SETBP1: variants seen among roughly 807,000 people sequenced by gnomAD.
The protein encoded by SETBP1 is SET-binding protein.
In SETBP1, 9 loss-of-function variants were observed where a neutral mutation model predicts 101.0. The observed-to-expected ratio is 0.09, with a 90% CI of 0.05 to 0.16. The LOEUF is 0.16. Among genes scored for constraint, SETBP1 ranks in the 10% least tolerant of loss-of-function variants. SETBP1 has a pLI of 1.00. For missense variants in SETBP1, 1,858 were observed against 2,033.8 expected, an observed-to-expected ratio of 0.91 and a Z score of 1.66; for synonymous variants, 818 against 788.5, an observed-to-expected ratio of 1.04 and a Z score of -0.63.
At chr18:44,772,056 T>C (rs2070885897) in intron 2 of SETBP1, among the ~76,000 whole-genome samples, 2 of 152,172 alleles carry the variant, frequency 1.3e-5, no homozygotes, top group South Asian at 4.1e-4. Flanking sequence ...TAGGTTGACA[T>C]TTGTTTTGAC....
At chr18:45,007,194 G>T (rs1285355050) in intron 4 of SETBP1, among the ~76,000 whole-genome samples, 6 of 152,052 alleles carry the variant, frequency 3.9e-5, no homozygotes, top group African/African-American at 1.4e-4. Context: ...ATCTCTTCCT[G>T]AATCAGTTTC....
At chr18:45,016,088 G>A (rs569695944) in intron 4 of SETBP1, among the ~76,000 whole-genome samples, 7 of 152,276 alleles carry the variant, frequency 4.6e-5, no homozygotes, top group East Asian at 1.9e-4. Context: ...AATACAGCCC[G>A]TACATGATAG....
chr18:44,863,998 C>A (rs1410692480), intron 2 of SETBP1, among the ~76,000 whole-genome samples: 1 of 152,084 alleles, frequency 6.6e-6, no homozygotes, highest in East Asian at 1.9e-4. Context: ...CTGGGTTCAG[C>A]CAGAGCAATT....
chr18:44,967,238 C>T (rs956878318), intron 4 of SETBP1, among the ~76,000 whole-genome samples: 4 of 152,178 alleles, frequency 2.6e-5, no homozygotes, highest in Admixed American at 2.0e-4. Context: ...CCAAAGATAA[C>T]GGAAAGCTCA....
chr18:44,950,377 C>T lies in SETBP1; in HGVS notation c.1037C>T (p.Thr346Ile), dbSNP rs557430935. The change falls in exon 4 of 6, where the codon ACC becomes ATC. Residue 346 changes from threonine to isoleucine, a missense_variant. This residue lies in a region of SETBP1 where 581 missense variants were observed against 535.1 expected (regional missense o/e 1.09). Coordinates refer to ENST00000649279, the MANE Select transcript of SETBP1 (RefSeq NM_015559.3). ...AGTAAAAAAGATGTGATAAGTCAGA[C>T]CATACCAAACCCAGACCTGGATTGG... Reference protein sequence around the residue: ...KSSKKDVISQTIPNPDLDWVK... With the variant: ...KSSKKDVISQIIPNPDLDWVK... The T allele has an allele frequency of 6.4e-4, 1,040 of 1,614,100 alleles. 13 individuals carry two copies. The South Asian group carries it at 0.01, about 16-fold the overall frequency.
intron 2 of SETBP1, among the ~76,000 whole-genome samples, chr18:44,747,525 G>A (rs1158184200): frequency 6.6e-6 from 1 of 152,364 alleles, no homozygotes; most frequent in South Asian, 2.1e-4. Flanking sequence ...AGACATCCTG[G>A]CCTCCCAATC....
intron 4 of SETBP1, among the ~76,000 whole-genome samples, chr18:44,953,619 T>C (rs1453150893): frequency 2.0e-5 from 3 of 152,242 alleles, no homozygotes; most frequent in Non-Finnish European, 2.9e-5. Context: ...ATGGTTATGC[T>C]TTTTATTAAA....
At chr18:44,823,083 A>G (rs781504877) in intron 2 of SETBP1, among the ~76,000 whole-genome samples, 1 of 152,200 alleles carries the variant, frequency 6.6e-6, no homozygotes, top group Non-Finnish European at 1.5e-5. Flanking sequence ...GTGAACCTAG[A>G]TCATGCTGCT....
chr18:44,734,344 G>A (rs1222686133), intron 2 of SETBP1, among the ~76,000 whole-genome samples: 1 of 152,164 alleles, frequency 6.6e-6, no homozygotes, highest in Admixed American at 6.5e-5. Context: ...CCTGAAGACT[G>A]CATGTGTGTC....
intron 2 of SETBP1, among the ~76,000 whole-genome samples, chr18:44,756,806 C>T (rs1229767619): frequency 6.6e-6 from 1 of 152,162 alleles, no homozygotes; most frequent in Non-Finnish European, 1.5e-5. Context: ...AGAGCTTGCT[C>T]TCCTGGGCTG....
At chr18:44,792,392 A>G (rs1599134819) in intron 2 of SETBP1, among the ~76,000 whole-genome samples, 1 of 152,182 alleles carries the variant, frequency 6.6e-6, no homozygotes, top group Admixed American at 6.5e-5. Context: ...CAGGAGCCAG[A>G]GCGTAAGGTA....
intron 4 of SETBP1, among the ~76,000 whole-genome samples, chr18:45,016,729 GCGCACA>G (rs1213159669): frequency 1.6e-5 from 2 of 121,296 alleles, no homozygotes; most frequent in Non-Finnish European, 3.4e-5. Context: ...ACATTGGTGC[GCGCACA>G]CACACACACA....
chr18:44,925,039 G>A lies in SETBP1; in HGVS notation c.541-24842G>A, dbSNP rs145648588. On this transcript the variant is annotated intron_variant, in intron 3 of 5. Transcript: ENST00000649279. ...TTTTTTTTTTTTTTTTTTTTTTCAC[G>A]AGAATGAGCTAAATTTTCCAGGGCT... Among the ~76,000 whole-genome samples, 75 of 104,950 alleles carry A rather than the reference G, an allele frequency of 7.1e-4. 1 individual carries two copies. The highest frequency in any genetic ancestry group is 6.2e-4 in the Non-Finnish European group (35 of 56,122). The allele number at this position is 104,950 out of a possible 152,430, so 68.9% of individuals were successfully genotyped here.
Position 45,062,948 on chromosome 18 carries a change from C to T in SETBP1, c.4172-131C>T, listed in dbSNP as rs192917546. The T allele has an allele frequency of 9.9e-4, 1,149 of 1,165,932 alleles. 4 individuals carry two copies. The highest frequency in any genetic ancestry group is 1.4e-3 in the South Asian group (100 of 72,306). 72.2% of individuals were successfully genotyped at this position (1,165,932 alleles called of 1,614,324 possible). ...AAAAAGGAATAATGCATCTTGGGCA[C>T]GGAGACATACCCATAGCATTAATTC... On this transcript the variant is annotated intron_variant, in intron 5 of 5. Transcript: ENST00000649279.
chr18:44,938,863 G>A (rs1302214318), intron 3 of SETBP1, among the ~76,000 whole-genome samples: 1 of 152,166 alleles, frequency 6.6e-6, no homozygotes, highest in African/African-American at 2.4e-5. Context: ...GTGAGGATCT[G>A]GGAAGGGGAA....
At chr18:44,887,986 C>T (rs1004545130) in intron 3 of SETBP1, among the ~76,000 whole-genome samples, 15 of 152,078 alleles carry the variant, frequency 9.9e-5, no homozygotes, top group African/African-American at 3.4e-4. Flanking sequence ...TAGAGCCAAG[C>T]TAAAAAATAT....
chr18:44,795,545 A>G (rs2071456830), intron 2 of SETBP1, among the ~76,000 whole-genome samples: 1 of 152,228 alleles, frequency 6.6e-6, no homozygotes, highest in Admixed American at 6.5e-5. Context: ...TCTACTGGTT[A>G]CATCCAGGGT....
chr18:44,907,417 G>GA (rs1568211097), intron 3 of SETBP1, among the ~76,000 whole-genome samples: 1 of 152,050 alleles, frequency 6.6e-6, no homozygotes, highest in Non-Finnish European at 1.5e-5. Context: ...TTAACTTTTT[G>GA]AAAAAATTTC....
At chr18:45,014,357 G>C (rs982523005) in intron 4 of SETBP1, among the ~76,000 whole-genome samples, 54 of 152,324 alleles carry the variant, frequency 3.5e-4, no homozygotes, top group Admixed American at 5.9e-4. Context: ...AGAAGCAAAG[G>C]AGGAGGAATC....
Sources: allele counts gnomAD v4.1 joint callset (sites outside exome capture counted in the v4.1 genomes callset), GRCh38; gene constraint gnomAD v4.1.1; regional missense constraint gnomAD v4.1.1; transcripts MANE v1.5; gene names NCBI Gene and HGNC (gene_info 2026-07-23, HGNC 2026-07-21).